The following SPMIP4 variants were observed in gnomAD, a reference collection of about 807,000 sequenced individuals.
SPMIP4 encodes the protein sperm-associated microtubule inner protein 4.
the SPMIP4 span, chr7:25,136,088 C>T: frequency 6.2e-7 from 1 of 1,614,106 alleles, no homozygotes; most frequent in East Asian, 2.2e-5. The surrounding 1 kb of genome is among the most constrained non-coding windows in gnomAD (Gnocchi z 5.7). Flanking sequence ...CGCTTTTGTG[C>T]ACCAGTTTTT....
chr7:25,168,691 T>A, the SPMIP4 span, among the ~76,000 whole-genome samples: 58 of 152,140 alleles, frequency 3.8e-4, no homozygotes, highest in East Asian at 9.7e-3. Context: ...TATCCTTTTT[T>A]TGGTCATCAG....
chr7:25,152,898 C>G, the SPMIP4 span, among the ~76,000 whole-genome samples: 1 of 151,942 alleles, frequency 6.6e-6, no homozygotes, highest in African/African-American at 2.4e-5. Context: ...CATGCACCAC[C>G]AGGCCTGGCT....
At chr7:25,179,582 A>C in the SPMIP4 span, 119 of 307,528 alleles carry the variant, frequency 3.9e-4, no homozygotes, top group Non-Finnish European at 6.0e-4. Context: ...GTAGGTTCGT[A>C]CCAGTCCGCT....
chr7:25,154,921 G>C, the SPMIP4 span: 14 of 1,228,434 alleles, frequency 1.1e-5, no homozygotes, highest in Admixed American at 3.1e-4. Flanking sequence ...TTTGTGACTT[G>C]AGTCCTTTGT....
chr7:25,179,422 T>C, the SPMIP4 span: 1 of 1,119,960 alleles, frequency 8.9e-7, no homozygotes, highest in Non-Finnish European at 1.2e-6. Context: ...AACCTGACGC[T>C]GCACAGACGT....
the SPMIP4 span, among the ~76,000 whole-genome samples, chr7:25,141,311 C>T: frequency 6.6e-6 from 1 of 152,076 alleles, no homozygotes; most frequent in Non-Finnish European, 1.5e-5. Context: ...CAGTAGCTCA[C>T]GCCTGTAATC....
the SPMIP4 span, among the ~76,000 whole-genome samples, chr7:25,175,030 A>G: frequency 6.6e-6 from 1 of 152,152 alleles, no homozygotes; most frequent in Admixed American, 6.6e-5. Flanking sequence ...TGGTTTTCTT[A>G]TATTTTCAGT....
At chr7:25,136,791 T>C in the SPMIP4 span, 4 of 1,606,156 alleles carry the variant, frequency 2.5e-6, no homozygotes, top group South Asian at 4.4e-5. This position sits in a 1 kb window ranked among gnomAD's most constrained non-coding sequence, Gnocchi z 5.7. Flanking sequence ...GGAATTTTTC[T>C]TGCTGTAGTT....
chr7:25,142,225 G>T, the SPMIP4 span: 1 of 1,585,832 alleles, frequency 6.3e-7, no homozygotes, highest in South Asian at 1.1e-5. Flanking sequence ...ACTGAGAGTT[G>T]ACTGCAATTA....
the SPMIP4 span, among the ~76,000 whole-genome samples, chr7:25,140,093 T>C: frequency 6.6e-6 from 1 of 152,222 alleles, no homozygotes; most frequent in South Asian, 2.1e-4. Flanking sequence ...ATCTGGACAG[T>C]TGTTGAACAC....
the SPMIP4 span, among the ~76,000 whole-genome samples, chr7:25,177,446 G>C: frequency 6.6e-6 from 1 of 152,138 alleles, no homozygotes; most frequent in African/African-American, 2.4e-5. Flanking sequence ...TTGTGCCACT[G>C]CACTCCAGCC....
At chr7:25,158,902 A>G in the SPMIP4 span, among the ~76,000 whole-genome samples, 1 of 152,010 alleles carries the variant, frequency 6.6e-6, no homozygotes, top group Non-Finnish European at 1.5e-5. Flanking sequence ...TTCAAACTGT[A>G]ATGTCATTAA....
the SPMIP4 span, chr7:25,135,603 A>G: frequency 1.2e-6 from 1 of 862,646 alleles, no homozygotes; most frequent in Non-Finnish European, 1.4e-6. Context: ...TTAATTATTG[A>G]TCATTTGAGT....
chr7:25,150,777 T>A, the SPMIP4 span, among the ~76,000 whole-genome samples: 1 of 152,248 alleles, frequency 6.6e-6, no homozygotes, highest in African/African-American at 2.4e-5. Flanking sequence ...AGTCACAGTT[T>A]CCTTATCTAT....
the SPMIP4 span, among the ~76,000 whole-genome samples, chr7:25,170,953 G>A: frequency 2.6e-5 from 4 of 152,160 alleles, no homozygotes; most frequent in African/African-American, 9.7e-5. Context: ...TAGACTAGTT[G>A]CATAAGCATC....
the SPMIP4 span, among the ~76,000 whole-genome samples, chr7:25,132,050 G>A: frequency 6.6e-6 from 1 of 152,170 alleles, no homozygotes; most frequent in Non-Finnish European, 1.5e-5. The surrounding 1 kb of genome is among the most constrained non-coding windows in gnomAD (Gnocchi z 5.0). Flanking sequence ...TTAATAGAGT[G>A]AAATAGAGTG....
At chr7:25,128,965 C>T in the SPMIP4 span, among the ~76,000 whole-genome samples, 1 of 152,200 alleles carries the variant, frequency 6.6e-6, no homozygotes, top group South Asian at 2.1e-4. This position sits in a 1 kb window ranked among gnomAD's most constrained non-coding sequence, Gnocchi z 4.5. Context: ...TGGGGGCCTC[C>T]CCCTAGTGCA....
At chr7:25,151,756 G>A in the SPMIP4 span, 5 of 789,420 alleles carry the variant, frequency 6.3e-6, no homozygotes, top group Non-Finnish European at 1.0e-5. Flanking sequence ...AAATAGAAAT[G>A]AGATAATACA....
At chr7:25,136,685 G>A in the SPMIP4 span, 15 of 1,614,008 alleles carry the variant, frequency 9.3e-6, no homozygotes, top group Admixed American at 6.7e-5. This position sits in a 1 kb window ranked among gnomAD's most constrained non-coding sequence, Gnocchi z 5.7. Context: ...GGACAGGAAC[G>A]TGGTCTTTGC....
Sources: gnomAD v4.1 joint callset for allele counts (sites outside exome capture counted in the v4.1 genomes callset) on GRCh38, gnomAD v4.1.1 for gene constraint, Gnocchi (gnomAD v3.1) non-coding constraint, MANE v1.5 for transcripts, NCBI Gene and HGNC (gene_info 2026-07-23, HGNC 2026-07-21) for gene names.